PDCD2L: variants seen among roughly 807,000 people sequenced by gnomAD.
PDCD2L encodes the protein programmed cell death 2 like.
PDCD2L carries 44 observed loss-of-function variants against 40.4 expected under a neutral mutation model. That is an observed-to-expected ratio of 1.09 (90% CI 0.86 to 1.40). The LOEUF is 1.40. PDCD2L is among the 40% of genes most tolerant of loss of function. The pLI, the probability that PDCD2L is intolerant of heterozygous loss-of-function variation, is 0.00. For missense variants in PDCD2L, 470 were observed against 453.7 expected, an observed-to-expected ratio of 1.04 and a Z score of -0.33; for synonymous variants, 194 against 174.6, an observed-to-expected ratio of 1.11 and a Z score of -0.88.
At chr19:34,406,618 C>T (rs1299042215) in intron 3 of PDCD2L, among the ~76,000 whole-genome samples, 4 of 151,758 alleles carry the variant, frequency 2.6e-5, no homozygotes, top group Non-Finnish European at 4.4e-5. Flanking sequence ...GTATTGATCT[C>T]GTGACCTTGT....
At chr19:34,421,799 A>G in intron 6 of PDCD2L, 132 bp downstream of exon 6, 1 of 1,227,344 alleles carries the variant, frequency 8.1e-7, no homozygotes, top group Non-Finnish European at 1.1e-6. Context: ...AATTATTTTA[A>G]GAAATTTAGG....
At chr19:34,425,656 C>T (rs956554241) in intron 6 of PDCD2L, among the ~76,000 whole-genome samples, 29 of 151,972 alleles carry the variant, frequency 1.9e-4, no homozygotes, top group African/African-American at 6.5e-4. Context: ...TGTGAGCCAC[C>T]GCACCTAGCC....
intron 6 of PDCD2L, chr19:34,422,195 T>C (rs2075155228): frequency 6.7e-6 from 1 of 150,006 alleles, no homozygotes; most frequent in South Asian, 2.2e-4. Flanking sequence ...TCGCCCAGGC[T>C]GGAGTGCAGT....
chr19:34,420,685 A>G (rs1180400452), intron 5 of PDCD2L, among the ~76,000 whole-genome samples: 1 of 151,680 alleles, frequency 6.6e-6, no homozygotes, highest in East Asian at 1.9e-4. Context: ...CCAGCTACTC[A>G]GGAGGCTGAG....
At chr19:34,409,668 C>T (rs2075093562) in intron 4 of PDCD2L, among the ~76,000 whole-genome samples, 158 bp downstream of exon 4, 2 of 152,190 alleles carry the variant, frequency 1.3e-5, no homozygotes, top group African/African-American at 4.8e-5. Flanking sequence ...CTTGAGTTAG[C>T]TTGAAAACCC....
chr19:34,405,073 C>A (rs2075067694), intron 3 of PDCD2L, 83 bp downstream of exon 3: 4 of 1,477,812 alleles, frequency 2.7e-6, no homozygotes, highest in Middle Eastern at 2.0e-4. Context: ...GACTTTAAAG[C>A]CGTGTTCTTT....
Position 34,404,417 on chromosome 19 carries a change from G to C in PDCD2L, c.-14G>C, listed in dbSNP as rs2075061565. On this transcript the variant is annotated 5_prime_UTR_variant, in exon 1 of 7. Coordinates refer to ENST00000246535, the MANE Select transcript of PDCD2L (RefSeq NM_032346.2). Reference sequence around the variant, plus strand: ...CCGCCGTAGTTTGCGTTTTCACCTGGTCGCCCGGCGGCCATGGCGGCCGTT... The same window carrying C: ...CCGCCGTAGTTTGCGTTTTCACCTGCTCGCCCGGCGGCCATGGCGGCCGTT... The C allele has an allele frequency of 1.3e-6, 2 of 1,539,204 alleles. No individual in the cohort carries two copies. The highest frequency in any genetic ancestry group is 4.9e-5 in the East Asian group (2 of 40,796).
intron 4 of PDCD2L, among the ~76,000 whole-genome samples, chr19:34,410,308 A>G (rs1477121152): frequency 1.3e-5 from 2 of 152,044 alleles, no homozygotes; most frequent in African/African-American, 2.4e-5. Flanking sequence ...CTGGAGTGCA[A>G]TGGCACGATC....
chr19:34,414,895 T>C (rs1288203689), intron 5 of PDCD2L, among the ~76,000 whole-genome samples: 3 of 152,024 alleles, frequency 2.0e-5, no homozygotes, highest in Admixed American at 2.0e-4. Flanking sequence ...AACAACTACC[T>C]CTTGGGCTCA....
intron 4 of PDCD2L, among the ~76,000 whole-genome samples, chr19:34,411,171 TTTTTTTTTTTTA>T (rs938990231): frequency 9.3e-5 from 14 of 150,254 alleles, no homozygotes; most frequent in African/African-American, 3.4e-4. Flanking sequence ...TCTTTTTTTT[TTTTTTTTTTTTA>T]GAGATGGGAT....
chr19:34,421,646 A>G lies in PDCD2L; in HGVS notation c.925A>G (p.Met309Val), dbSNP rs753414664. The G allele has an allele frequency of 3.7e-6, 6 of 1,613,986 alleles. No homozygotes were observed. Among genetic ancestry groups the G allele is most frequent in the Non-Finnish European group, 3.4e-6 (4 of 1,179,996 alleles). ...TCAGCTTATGCCAGCACTGGTCAGC[A>G]TGCTCAAGAGTGCTAATTTAGGTGA... ...EFQLMPALVS[M>V]LKSANLGLSV... The change falls in exon 6 of 7, where the codon ATG becomes GTG. Residue 309 changes from methionine to valine, a missense_variant. Met to Val is a conservative substitution (Grantham distance 21). Transcript: ENST00000246535.
chr19:34,421,720 A>G (rs574761907), intron 6 of PDCD2L, 53 bp downstream of exon 6: 3 of 1,522,680 alleles, frequency 2.0e-6, no homozygotes, highest in African/African-American at 2.8e-5. Flanking sequence ...TTATTTTTAA[A>G]TAAATGAAAA....
chr19:34,407,385 C>T lies in PDCD2L; in HGVS notation c.337-1776C>T, dbSNP rs532379051. On this transcript the variant is annotated intron_variant, in intron 3 of 6. Coordinates refer to ENST00000246535, the MANE Select transcript of PDCD2L (RefSeq NM_032346.2). Reference sequence around the variant, plus strand: ...CGATCTCTTTACCTCGTGATCCACCCGCCTTGGCTTCCTGAGGTGCTGGGA... The same window carrying T: ...CGATCTCTTTACCTCGTGATCCACCTGCCTTGGCTTCCTGAGGTGCTGGGA... Among the ~76,000 whole-genome samples the T allele has an allele frequency of 1.2e-3, 179 of 152,082 alleles. 1 individual carries two copies. The highest frequency in any genetic ancestry group is 3.4e-3 in the Middle Eastern group (1 of 294).
At chr19:34,407,733 G>A (rs963990997) in intron 3 of PDCD2L, among the ~76,000 whole-genome samples, 1 of 152,104 alleles carries the variant, frequency 6.6e-6, no homozygotes, top group African/African-American at 2.4e-5. Flanking sequence ...GTACATATAT[G>A]TGGTTGTATG....
intron 3 of PDCD2L, among the ~76,000 whole-genome samples, chr19:34,405,676 G>A (rs2075071435): frequency 6.6e-6 from 1 of 150,780 alleles, no homozygotes; most frequent in African/African-American, 2.4e-5. Flanking sequence ...CGAGGCGGGC[G>A]GATCTCCTGA....
chr19:34,421,427 A>C, intron 5 of PDCD2L, 92 bp from the exon 6 acceptor site: 6 of 1,464,612 alleles, frequency 4.1e-6, no homozygotes, highest in Non-Finnish European at 5.6e-6. Context: ...AGATTTCTGC[A>C]AGAAACAAAG....
intron 5 of PDCD2L, among the ~76,000 whole-genome samples, chr19:34,415,190 G>A (rs540384166): frequency 2.0e-5 from 3 of 152,100 alleles, no homozygotes; most frequent in African/African-American, 7.2e-5. Flanking sequence ...ACGTGATCCT[G>A]GCTCACTGCA....
intron 3 of PDCD2L, 25 bp downstream of exon 3, chr19:34,405,015 T>C (rs556747555): frequency 1.7e-5 from 28 of 1,613,384 alleles, no homozygotes; most frequent in African/African-American, 4.0e-5. Context: ...TGGCATGTTA[T>C]TGTTTTTCTG....
intron 3 of PDCD2L, 169 bp from the exon 4 acceptor site, chr19:34,408,992 C>T (rs745490157): frequency 3.0e-5 from 18 of 609,264 alleles, no homozygotes; most frequent in African/African-American, 9.3e-5. Context: ...TCACCTCCAA[C>T]GTGCTTTTGA....
Sources: gnomAD v4.1 joint callset for allele counts (sites outside exome capture counted in the v4.1 genomes callset) on GRCh38, gnomAD v4.1.1 for gene constraint, MANE v1.5 for transcripts, NCBI Gene and HGNC (gene_info 2026-07-23, HGNC 2026-07-21) for gene names.